The following ABCC12 variants were observed in gnomAD, a reference collection of about 807,000 sequenced individuals.
ABCC12 encodes the protein ATP-binding cassette sub-family C member 12.
A neutral mutation model predicts 151.1 loss-of-function variants in ABCC12; 142 were observed. The ratio of observed to expected loss-of-function variants is 0.94; its 90% confidence interval spans 0.82 to 1.08. The LOEUF (loss-of-function observed/expected upper bound fraction) is 1.08, where lower values mean the gene tolerates loss of function less well. Among genes scored for constraint, ABCC12 ranks in the 50% least tolerant of loss-of-function variants. The pLI is 0.00. For missense variants in ABCC12, 1,638 were observed against 1,691.1 expected (o/e 0.97, Z 0.55); for synonymous variants, 645 against 646.4 (o/e 1.00, Z 0.03).
At chr16:48,106,937 G>A (rs977076580) in intron 20 of ABCC12, among the ~76,000 whole-genome samples, 2 of 152,190 alleles carry the variant, frequency 1.3e-5, no homozygotes, top group Non-Finnish European at 2.9e-5. Context: ...TTCTGGCACT[G>A]GGCAGTGTCC....
At chr16:48,124,144 T>C (rs1964160968) in intron 12 of ABCC12, 69 bp downstream of exon 12, 2 of 1,535,608 alleles carry the variant, frequency 1.3e-6, no homozygotes, top group African/African-American at 2.7e-5. Context: ...GGTCCACGCC[T>C]GACCGGAAGG....
chr16:48,133,359 C>T (rs1964495286), intron 9 of ABCC12, among the ~76,000 whole-genome samples: 1 of 151,970 alleles, frequency 6.6e-6, no homozygotes, highest in South Asian at 2.1e-4. Flanking sequence ...CCGGTCTCTA[C>T]TAAAAATACA....
chr16:48,087,185 G>A (rs1962651754), intron 27 of ABCC12: 3 of 207,608 alleles, frequency 1.4e-5, no homozygotes. Flanking sequence ...GGGAGAGTGA[G>A]CAACCCAAAT....
intron 18 of ABCC12, among the ~76,000 whole-genome samples, chr16:48,110,480 C>T (rs1172635733): frequency 6.6e-6 from 1 of 152,126 alleles, no homozygotes; most frequent in African/African-American, 2.4e-5. Context: ...GACTATTGAC[C>T]TCAGTCCTCT....
At chr16:48,102,569 G>A (rs1385833504) in intron 22 of ABCC12, among the ~76,000 whole-genome samples, 1 of 152,134 alleles carries the variant, frequency 6.6e-6, no homozygotes, top group African/African-American at 2.4e-5. Flanking sequence ...CACGGGAACA[G>A]TGAAAGACAG....
Position 48,124,159 on chromosome 16 carries a change from C to T in ABCC12, c.1587+54G>A, listed in dbSNP as rs1964162278. On this transcript the variant is annotated intron_variant, in intron 12 of 30. Coordinates refer to ENST00000311303, the MANE Select transcript of ABCC12 (RefSeq NM_001393797.1). ...GGTCCACGCCTGACCGGAAGGGAGCCATTTCATTGTCATGTTAATGTTCCA... is the reference window on the plus strand; with the variant it reads ...GGTCCACGCCTGACCGGAAGGGAGCTATTTCATTGTCATGTTAATGTTCCA... 1.2e-5 allele frequency: 19 copies of T among 1,570,928 alleles called. No individual in the cohort carries two copies. In the Admixed American group the frequency reaches 3.0e-4, roughly 25 times the overall value.
intron 23 of ABCC12, among the ~76,000 whole-genome samples, chr16:48,098,324 G>A (rs1314352597): frequency 6.6e-6 from 1 of 152,072 alleles, no homozygotes; most frequent in Non-Finnish European, 1.5e-5. Flanking sequence ...AAACTACTGG[G>A]GGAAAAATGA....
In ABCC12 at chr16:48,091,109, TAATTTCTTACCG is replaced by T. The variant is rs781323615; in HGVS notation, c.3284_3285+10del. The T allele has an allele frequency of 1.2e-6, 2 of 1,613,734 alleles. No individual in the cohort carries two copies. Among genetic ancestry groups the T allele is most frequent in the Non-Finnish European group, 1.7e-6 (2 of 1,179,716 alleles). ...AACTTGTCCCTCCTCTCTGATGCAC[TAATTTCTTACCG>T]AAATGTATTCCCTGAGCAGCTCCAC... is the stretch of plus-strand genomic sequence containing the variant. On this transcript the variant is annotated splice_donor_variant and splice_donor_5th_base_variant and coding_sequence_variant and intron_variant, in exon 25 of 31. Coordinates refer to ENST00000311303, the MANE Select transcript of ABCC12 (RefSeq NM_001393797.1). LOFTEE classifies it high-confidence loss of function.
At chr16:48,102,576 A>T (rs1005067440) in intron 22 of ABCC12, among the ~76,000 whole-genome samples, 3 of 152,178 alleles carry the variant, frequency 2.0e-5, no homozygotes, top group African/African-American at 4.8e-5. Context: ...ACAGTGAAAG[A>T]CAGCAGCAAG....
chr16:48,105,035 T>A, intron 21 of ABCC12, 104 bp downstream of exon 21: 1 of 1,335,994 alleles, frequency 7.5e-7, no homozygotes, highest in Non-Finnish European at 1.1e-6. Context: ...CTATGAGGGC[T>A]CTGGCTGTCC....
At chr16:48,085,185 T>C (rs79231847) in intron 29 of ABCC12, among the ~76,000 whole-genome samples, 2,668 of 152,172 alleles carry the variant, frequency 0.018, 82 homozygotes, top group African/African-American at 0.061. Flanking sequence ...GTGGCTAAGT[T>C]ACAAAGAAAA....
At chr16:48,117,418 G>C in intron 13 of ABCC12, 85 bp from the exon 14 acceptor site, 1 of 1,465,566 alleles carries the variant, frequency 6.8e-7, no homozygotes, top group Non-Finnish European at 9.4e-7. Flanking sequence ...CGCTGCTGGT[G>C]TTGCTGGGGC....
rs751678423 is a variant in ABCC12 at position 48,141,319 on chromosome 16, C to G, written c.310G>C (p.Val104Leu). ...RVLWDEEVAR[V>L]GPEKASLSHV... is the part of the protein sequence containing the mutation. ...CTCAGAGAGGCCTTCTCAGGACCCA[C>G]CCTTGCTACCTCTTCATCCCAAAGG... Residue 104 changes from valine (V) to leucine (L), a missense_variant, in exon 5 of 31, where the codon GTG becomes CTG. Transcript: ENST00000311303. The G allele has an allele frequency of 5.0e-6, 8 of 1,614,244 alleles. No homozygotes were observed. In the Admixed American group the frequency reaches 1.3e-4, roughly 27 times the overall value.
At chr16:48,125,417 C>T (rs901904385) in intron 11 of ABCC12, among the ~76,000 whole-genome samples, 1 of 152,046 alleles carries the variant, frequency 6.6e-6, no homozygotes, top group Admixed American at 6.5e-5. Context: ...CCCTTGGGCA[C>T]GGATGCAGAT....
intron 10 of ABCC12, among the ~76,000 whole-genome samples, chr16:48,129,964 G>A (rs1964366945): frequency 6.6e-6 from 1 of 152,192 alleles, no homozygotes; most frequent in African/African-American, 2.4e-5. Context: ...CCTTAAAATG[G>A]AGAGAATACC....
chr16:48,154,683 C>T lies in ABCC12; in HGVS notation c.-319-799G>A, dbSNP rs1965160578. Among the ~76,000 whole-genome samples, 6 of 152,336 alleles carry T rather than the reference C, an allele frequency of 3.9e-5. No homozygotes were observed. In the South Asian group the frequency reaches 1.2e-3, roughly 32 times the overall value. ...AAGTCATCTCAAGAAGAACCATTTT[C>T]CACACCTGCCCACTTTGCTCTGTTA... On this transcript the variant is annotated intron_variant, in intron 1 of 30. Coordinates refer to ENST00000311303, the MANE Select transcript of ABCC12 (RefSeq NM_001393797.1).
At position 48,111,588 on chromosome 16, in the gene ABCC12, A is replaced by G; in HGVS notation, c.2199T>C (p.Ala733=). The G allele has an allele frequency of 6.2e-7, 1 of 1,614,212 alleles. No individual in the cohort carries two copies. Among genetic ancestry groups the G allele is most frequent in the Non-Finnish European group, 8.5e-7 (1 of 1,180,048 alleles). Residue 733 remains alanine, a synonymous_variant, in exon 17 of 31, where the codon GCT becomes GCC. Coordinates refer to ENST00000311303, the MANE Select transcript of ABCC12 (RefSeq NM_001393797.1). ...GGATGGGATTCTAACCGATTATACC[A>G]GCATCTTCCTCTCTCTCAGCAGGGC... ...KESPAEREED[A]GIIVLAPGNE... is the part of the protein sequence containing the mutation.
chr16:48,148,308 C>G (rs1965066083), intron 2 of ABCC12, among the ~76,000 whole-genome samples: 1 of 151,736 alleles, frequency 6.6e-6, no homozygotes, highest in Non-Finnish European at 1.5e-5. Flanking sequence ...ACCATCTCAG[C>G]TCATCATAAC....
chr16:48,106,831 C>T (rs894501943), intron 20 of ABCC12, among the ~76,000 whole-genome samples: 5 of 152,196 alleles, frequency 3.3e-5, no homozygotes, highest in African/African-American at 1.2e-4. Flanking sequence ...AGAGAAGGGT[C>T]CCCCATGGCT....
Sources: gnomAD v4.1 joint callset for allele counts (sites outside exome capture counted in the v4.1 genomes callset) on GRCh38, gnomAD v4.1.1 for gene constraint, MANE v1.5 for transcripts, NCBI Gene and HGNC (gene_info 2026-07-23, HGNC 2026-07-21) for gene names.